IMMP1L: variants seen among roughly 807,000 people sequenced by gnomAD.
IMMP1L encodes mitochondrial inner membrane protease subunit 1.
A neutral mutation model predicts 21.8 loss-of-function variants in IMMP1L; 24 were observed. The observed-to-expected ratio is 1.10, with a 90% confidence interval of 0.80 to 1.55. The LOEUF (loss-of-function observed/expected upper bound fraction) is 1.55. Among genes scored for constraint, IMMP1L ranks in the 40% most tolerant of loss-of-function variants. The pLI is 0.00. For synonymous variants in IMMP1L, 46 were observed against 62.8 expected (o/e 0.73, Z 1.26); for missense variants, 195 against 200.7 (o/e 0.97, Z 0.17).
At chr11:31,439,692 G>C (rs539317373) in intron 4 of IMMP1L, among the ~76,000 whole-genome samples, 1 of 152,292 alleles carries the variant, frequency 6.6e-6, no homozygotes, top group South Asian at 2.1e-4. Flanking sequence ...GTTTCTGTGA[G>C]GTAGTTAAGT....
intron 1 of IMMP1L, among the ~76,000 whole-genome samples, chr11:31,507,569 CAGAA>C (rs971761241): frequency 4.6e-5 from 7 of 152,062 alleles, no homozygotes; most frequent in Admixed American, 1.3e-4. Context: ...AAGTCAGACA[CAGAA>C]AGACAAATAT....
chr11:31,494,590 T>TC (rs1955371037), intron 1 of IMMP1L, among the ~76,000 whole-genome samples: 1 of 152,164 alleles, frequency 6.6e-6, no homozygotes, highest in Non-Finnish European at 1.5e-5. Flanking sequence ...CTTGAATTTC[T>TC]CCCCAGAAAA....
chr11:31,493,096 G>A (rs1357200346), intron 1 of IMMP1L, among the ~76,000 whole-genome samples: 1 of 152,156 alleles, frequency 6.6e-6, no homozygotes, highest in Non-Finnish European at 1.5e-5. Flanking sequence ...GATGATGCAT[G>A]CCTGTAGTTT....
intron 4 of IMMP1L, chr11:31,433,797 T>C (rs1038774261): frequency 5.4e-6 from 2 of 372,740 alleles, no homozygotes; most frequent in Admixed American, 4.4e-5. Flanking sequence ...TTTTGTCATA[T>C]GGTTCCCAAA....
At chr11:31,465,774 A>T (rs1376176846) in intron 1 of IMMP1L, among the ~76,000 whole-genome samples, 1 of 152,078 alleles carries the variant, frequency 6.6e-6, no homozygotes, top group Non-Finnish European at 1.5e-5. Flanking sequence ...CATATCTCTA[A>T]CCATATATAA....
At chr11:31,453,714 T>C (rs547050706) in intron 4 of IMMP1L, among the ~76,000 whole-genome samples, 61 of 152,296 alleles carry the variant, frequency 4.0e-4, no homozygotes, top group African/African-American at 1.4e-3. Flanking sequence ...TAACCCAGCA[T>C]AGAAAAACTG....
chr11:31,458,851 T>C lies in IMMP1L; in HGVS notation c.194+1775A>G, dbSNP rs575828318. 1.1e-3 allele frequency among the ~76,000 whole-genome samples: 173 copies of C among 152,338 alleles called. 1 individual carries two copies. The highest frequency in any genetic ancestry group is 3.6e-3 in the African/African-American group (150 of 41,582). On this transcript the variant is annotated intron_variant, in intron 3 of 5. Transcript: ENST00000532287. ...TGAATGTAGTTATTTGTTTCACTTA[T>C]CTGAATGCAACGAGTAATTTTTTTA...
At chr11:31,453,956 A>G (rs1326621787) in intron 4 of IMMP1L, among the ~76,000 whole-genome samples, 2 of 152,170 alleles carry the variant, frequency 1.3e-5, no homozygotes, top group Admixed American at 6.5e-5. Flanking sequence ...TTCAATCCTA[A>G]TTCTTCCTCT....
chr11:31,436,790 G>A (rs992499916), intron 4 of IMMP1L, among the ~76,000 whole-genome samples: 2 of 152,206 alleles, frequency 1.3e-5, no homozygotes, highest in Non-Finnish European at 2.9e-5. Flanking sequence ...AAAACATCTA[G>A]AACATATGAC....
At chr11:31,498,361 T>C (rs1955517874) in intron 1 of IMMP1L, among the ~76,000 whole-genome samples, 1 of 152,206 alleles carries the variant, frequency 6.6e-6, no homozygotes, top group South Asian at 2.1e-4. Context: ...AACACTGTTA[T>C]AAAGTTCTTT....
chr11:31,492,509 A>C (rs1955290590), intron 1 of IMMP1L, among the ~76,000 whole-genome samples: 1 of 152,180 alleles, frequency 6.6e-6, no homozygotes, highest in African/African-American at 2.4e-5. Flanking sequence ...TTGCATTCAC[A>C]GCTTAACTGT....
At chr11:31,507,242 T>G (rs535896677) in intron 1 of IMMP1L, among the ~76,000 whole-genome samples, 1 of 151,924 alleles carries the variant, frequency 6.6e-6, no homozygotes, top group South Asian at 2.1e-4. Flanking sequence ...ATCGCGCCAC[T>G]GCACTCCAGC....
At position 31,472,884 on chromosome 11, in the gene IMMP1L, G is replaced by T. The variant is rs535912867; in HGVS notation, c.-29-9579C>A. ...TTTATTTATTTATTTATTTTTTTTT[G>T]AGATGGAGTGTCGCTCTGTCGTCCA... On this transcript the variant is annotated intron_variant, in intron 1 of 5. Coordinates refer to ENST00000532287, the MANE Select transcript of IMMP1L (RefSeq NM_001304274.2). Among the ~76,000 whole-genome samples the T allele has an allele frequency of 3.4e-4, 51 of 149,166 alleles. No homozygotes were observed. In the South Asian group the frequency reaches 9.3e-3, roughly 27 times the overall value.
intron 1 of IMMP1L, among the ~76,000 whole-genome samples, chr11:31,472,111 C>G (rs1954573465): frequency 6.6e-6 from 1 of 152,144 alleles, no homozygotes; most frequent in South Asian, 2.1e-4. Flanking sequence ...TTACACTGAG[C>G]CCAACTAGAT....
intron 1 of IMMP1L, among the ~76,000 whole-genome samples, chr11:31,464,747 C>T (rs1954271293): frequency 2.0e-5 from 3 of 151,968 alleles, no homozygotes; most frequent in Admixed American, 6.6e-5. Context: ...CATCACTTCA[C>T]GATACAAACT....
intron 1 of IMMP1L, among the ~76,000 whole-genome samples, chr11:31,488,889 A>T (rs192371337): frequency 6.6e-6 from 1 of 151,554 alleles, no homozygotes; most frequent in East Asian, 1.9e-4. Context: ...TATTTTTTAT[A>T]TATATTTATT....
At chr11:31,507,832 A>C (rs954440626) in intron 1 of IMMP1L, among the ~76,000 whole-genome samples, 48 of 151,950 alleles carry the variant, frequency 3.2e-4, no homozygotes, top group African/African-American at 1.2e-3. Context: ...GATGTTATGT[A>C]CTCTTACCAC....
At chr11:31,436,458 A>G (rs904390394) in intron 4 of IMMP1L, among the ~76,000 whole-genome samples, 8 of 152,104 alleles carry the variant, frequency 5.3e-5, no homozygotes, top group African/African-American at 1.9e-4. Flanking sequence ...TTTGAGACGG[A>G]GTCTTGCTCT....
intron 1 of IMMP1L, among the ~76,000 whole-genome samples, chr11:31,480,110 C>T (rs1018077939): frequency 6.6e-6 from 1 of 151,968 alleles, no homozygotes; most frequent in Non-Finnish European, 1.5e-5. Flanking sequence ...CTGTGTTACT[C>T]CCTCATTGAG....
Sources: allele counts gnomAD v4.1 joint callset (sites outside exome capture counted in the v4.1 genomes callset), GRCh38; gene constraint gnomAD v4.1.1; transcripts MANE v1.5; gene names NCBI Gene and HGNC (gene_info 2026-07-23, HGNC 2026-07-21).